HIBADH: variants seen among roughly 807,000 people sequenced by gnomAD.
HIBADH encodes the protein 3-hydroxyisobutyrate dehydrogenase, mitochondrial.
A neutral mutation model predicts 36.1 loss-of-function variants in HIBADH; 25 were observed. The ratio of observed to expected loss-of-function variants is 0.69; its 90% CI spans 0.50 to 0.97. HIBADH has a LOEUF of 0.97. Among genes scored for constraint, HIBADH ranks in the 50% least tolerant of loss-of-function variants. The pLI, the probability that HIBADH is intolerant of heterozygous loss-of-function variation, is 0.00. For synonymous variants in HIBADH, 160 were observed against 149.5 expected (o/e 1.07, Z -0.51); for missense variants, 421 against 418.0 (o/e 1.01, Z -0.06).
intron 4 of HIBADH, among the ~76,000 whole-genome samples, chr7:27,557,331 T>C (rs549562085): frequency 6.6e-6 from 1 of 152,242 alleles, no homozygotes; most frequent in South Asian, 2.1e-4. Context: ...TTTGCCTTTA[T>C]AGTTTTGTCA....
At chr7:27,642,642 GTTTTTTTTTT>G (rs71555706) in intron 2 of HIBADH, among the ~76,000 whole-genome samples, 3 of 97,426 alleles carry the variant, frequency 3.1e-5, no homozygotes, top group Admixed American at 1.2e-4. Flanking sequence ...TAAATGTCTA[GTTTTTTTTTT>G]TTTTTTTTTT....
chr7:27,557,639 G>C (rs1784412235), intron 4 of HIBADH, among the ~76,000 whole-genome samples: 1 of 152,122 alleles, frequency 6.6e-6, no homozygotes, highest in East Asian at 1.9e-4. Flanking sequence ...CCAGAGGGGA[G>C]GAACATTGTG....
At chr7:27,591,967 A>G (rs1008015715) in intron 4 of HIBADH, among the ~76,000 whole-genome samples, 2 of 152,202 alleles carry the variant, frequency 1.3e-5, no homozygotes, top group African/African-American at 4.8e-5. Context: ...CTCTCCATTT[A>G]CAACCAGAAA....
At chr7:27,564,382 CT>C (rs1173736197) in intron 4 of HIBADH, among the ~76,000 whole-genome samples, 4 of 152,042 alleles carry the variant, frequency 2.6e-5, no homozygotes, top group African/African-American at 7.2e-5. Context: ...GATCAACAAC[CT>C]TTTTTTCTTA....
At chr7:27,638,576 A>C (rs767991227) in intron 2 of HIBADH, among the ~76,000 whole-genome samples, 2 of 152,080 alleles carry the variant, frequency 1.3e-5, no homozygotes, top group Non-Finnish European at 2.9e-5. Flanking sequence ...CTGCAACAAA[A>C]ACAAAAATTG....
chr7:27,620,114 G>GT (rs566739308), intron 4 of HIBADH, among the ~76,000 whole-genome samples: 87 of 152,250 alleles, frequency 5.7e-4, no homozygotes, highest in African/African-American at 1.9e-3. Flanking sequence ...GAGCCCAGGA[G>GT]TTTGAGATCA....
At chr7:27,537,423 T>C (rs1029269111) in intron 6 of HIBADH, among the ~76,000 whole-genome samples, 1 of 152,130 alleles carries the variant, frequency 6.6e-6, no homozygotes, top group Non-Finnish European at 1.5e-5. Context: ...CTCAAGTATG[T>C]TGGCTCTTTT....
At chr7:27,582,581 T>C (rs535497566) in intron 4 of HIBADH, among the ~76,000 whole-genome samples, 85 of 152,252 alleles carry the variant, frequency 5.6e-4, no homozygotes, top group Middle Eastern at 6.8e-3. Context: ...AATTATGATA[T>C]ACCAGGCACT....
intron 1 of HIBADH, among the ~76,000 whole-genome samples, chr7:27,662,109 A>AT (rs905072684): frequency 7.2e-5 from 11 of 152,146 alleles, no homozygotes; most frequent in African/African-American, 2.7e-4. Context: ...CAAAAATGAC[A>AT]TTTTTTTAGG....
intron 4 of HIBADH, among the ~76,000 whole-genome samples, chr7:27,623,935 C>A (rs1583604387): frequency 6.6e-6 from 1 of 152,168 alleles, no homozygotes; most frequent in Non-Finnish European, 1.5e-5. Context: ...GTAGCTGGGA[C>A]AACAGGCGCA....
chr7:27,542,088 G>A (rs552900716), intron 5 of HIBADH, among the ~76,000 whole-genome samples: 1 of 152,160 alleles, frequency 6.6e-6, no homozygotes, highest in Admixed American at 6.5e-5. Flanking sequence ...ACAGATTTGT[G>A]CATATTTATA....
intron 4 of HIBADH, among the ~76,000 whole-genome samples, chr7:27,591,060 T>A (rs1784932092): frequency 6.6e-6 from 1 of 152,222 alleles, no homozygotes; most frequent in South Asian, 2.1e-4. Flanking sequence ...AATGGTCTCA[T>A]CTAAGTCTTA....
At chr7:27,583,800 AT>A in intron 4 of HIBADH, among the ~76,000 whole-genome samples, 1 of 152,132 alleles carries the variant, frequency 6.6e-6, no homozygotes, top group South Asian at 2.1e-4. Flanking sequence ...GATTATATCT[AT>A]TGGTATTTAC....
chr7:27,656,617 A>T (rs901766771), intron 1 of HIBADH, among the ~76,000 whole-genome samples: 4 of 152,186 alleles, frequency 2.6e-5, no homozygotes, highest in Admixed American at 2.6e-4. Flanking sequence ...TTCTGTATGG[A>T]TACACACGAA....
chr7:27,541,145 T>C (rs557760660), intron 5 of HIBADH, among the ~76,000 whole-genome samples: 15,901 of 151,884 alleles, frequency 0.1, 1,002 homozygotes, highest in Non-Finnish European at 0.14. Flanking sequence ...TTTTTTTTTT[T>C]TTTCTCCGTA....
intron 4 of HIBADH, among the ~76,000 whole-genome samples, chr7:27,563,082 T>G (rs1784491498): frequency 6.6e-6 from 1 of 152,178 alleles, no homozygotes; most frequent in Non-Finnish European, 1.5e-5. Flanking sequence ...CCCTCTTGCC[T>G]TCTCCAACTC....
At chr7:27,539,256 C>G (rs1320413534) in intron 5 of HIBADH, among the ~76,000 whole-genome samples, 6 of 152,104 alleles carry the variant, frequency 3.9e-5, no homozygotes, top group African/African-American at 9.7e-5. Context: ...GACCAGTAAA[C>G]TAGGTGTGAG....
intron 4 of HIBADH, 36 bp downstream of exon 4, chr7:27,629,335 A>C: frequency 6.3e-7 from 1 of 1,595,546 alleles, no homozygotes; most frequent in Non-Finnish European, 8.5e-7. Context: ...TTTGACAAAC[A>C]TAAATAGGTT....
chr7:27,639,023 C>G (rs952192175), intron 2 of HIBADH, among the ~76,000 whole-genome samples: 4 of 152,254 alleles, frequency 2.6e-5, no homozygotes, highest in African/African-American at 9.6e-5. Flanking sequence ...ACTGTGGAAG[C>G]AGTGTGGTGA....
Sources: allele counts gnomAD v4.1 joint callset (sites outside exome capture counted in the v4.1 genomes callset), GRCh38; gene constraint gnomAD v4.1.1; transcripts MANE v1.5; gene names NCBI Gene and HGNC (gene_info 2026-07-23, HGNC 2026-07-21).